The following BCL2L13 variants were observed in gnomAD, a reference collection of about 807,000 sequenced individuals.
The protein encoded by BCL2L13 is bcl-2-like protein 13.
In BCL2L13, 13 loss-of-function variants were observed where a neutral mutation model predicts 25.8. That is an observed-to-expected ratio of 0.50 (90% CI 0.33 to 0.80). The LOEUF is 0.80. Among genes scored for constraint, BCL2L13 ranks in the 30% least tolerant of loss-of-function variants. The probability of loss-of-function intolerance (pLI) is 0.02; values close to 1 mark genes in which losing one functional copy is unlikely to be tolerated. For synonymous variants in BCL2L13, 244 were observed against 230.3 expected, an observed-to-expected ratio of 1.06 and a Z score of -0.54; for missense variants, 504 against 574.9, an observed-to-expected ratio of 0.88 and a Z score of 1.26.
In BCL2L13 at chr22:17,674,619, AAAAG is replaced by A. The variant is rs1357708919; in HGVS notation, c.122-8583_122-8580del. Reference sequence around the variant, plus strand: ...AGACTCTGTCTCAAAAAAAAAAAAAAAAAGAAAGAAAGAAATGAGTTCTTGCTAT... The same window carrying A: ...AGACTCTGTCTCAAAAAAAAAAAAAAAAAGAAAGAAATGAGTTCTTGCTAT... On this transcript the variant is annotated intron_variant, in intron 2 of 6. Coordinates refer to ENST00000317582, the MANE Select transcript of BCL2L13 (RefSeq NM_015367.4). Among the ~76,000 whole-genome samples, 1,394 of 146,576 alleles carry A rather than the reference AAAAG, an allele frequency of 9.5e-3. 25 individuals are homozygous for A. Among genetic ancestry groups the A allele is most frequent in the African/African-American group, 0.034 (1,296 of 37,928 alleles).
intron 6 of BCL2L13, among the ~76,000 whole-genome samples, chr22:17,723,955 A>T (rs2061225842): frequency 6.6e-6 from 1 of 151,972 alleles, no homozygotes; most frequent in Admixed American, 6.6e-5. Context: ...AAAAAAACAA[A>T]AAACAAACTA....
At chr22:17,665,225 G>A (rs764887220) in intron 2 of BCL2L13, among the ~76,000 whole-genome samples, 6 of 152,140 alleles carry the variant, frequency 3.9e-5, no homozygotes, top group Admixed American at 6.6e-5. Context: ...GGGGCAAAAC[G>A]CCACCAGTCT....
chr22:17,642,787 G>T (rs1357887086), intron 1 of BCL2L13, among the ~76,000 whole-genome samples: 1 of 151,892 alleles, frequency 6.6e-6, no homozygotes, highest in East Asian at 1.9e-4. Flanking sequence ...TGTAGAGATG[G>T]GGTTTTTCCA....
chr22:17,722,378 G>GGTGTGT (rs71315401), intron 6 of BCL2L13, among the ~76,000 whole-genome samples: 49 of 122,138 alleles, frequency 4.0e-4, no homozygotes, highest in Non-Finnish European at 5.4e-4. Context: ...AGACTACAGG[G>GGTGTGT]GTGTGTGTGT....
chr22:17,693,381 T>TAGTG (rs2060170477), intron 4 of BCL2L13, among the ~76,000 whole-genome samples: 6 of 122,332 alleles, frequency 4.9e-5, no homozygotes, highest in African/African-American at 1.7e-4. Flanking sequence ...TGTTTTTTTT[T>TAGTG]TTTTTTTTTT....
At chr22:17,656,683 T>G (rs2058879440) in intron 2 of BCL2L13, among the ~76,000 whole-genome samples, 1 of 152,088 alleles carries the variant, frequency 6.6e-6, no homozygotes, top group Admixed American at 6.6e-5. Flanking sequence ...CCAAAGCACC[T>G]GCAGCCCTCT....
chr22:17,661,863 C>T (rs2059076069), intron 2 of BCL2L13, among the ~76,000 whole-genome samples: 1 of 150,866 alleles, frequency 6.6e-6, no homozygotes, highest in African/African-American at 2.4e-5. Context: ...TGGTGGCGCA[C>T]ACCTGTAATC....
intron 2 of BCL2L13, among the ~76,000 whole-genome samples, chr22:17,674,740 A>G (rs1337418801): frequency 6.6e-6 from 1 of 152,120 alleles, no homozygotes; most frequent in Admixed American, 6.6e-5. Flanking sequence ...CTTCCTGCCT[A>G]GGCCTCCCAA....
At chr22:17,656,253 T>C (rs867064421) in intron 2 of BCL2L13, among the ~76,000 whole-genome samples, 28 of 120,412 alleles carry the variant, frequency 2.3e-4, no homozygotes, top group Non-Finnish European at 4.1e-4. Flanking sequence ...AAAAAAAAAA[T>C]ATACACAAAA....
chr22:17,704,929 CTGTACATATGACATGGCTTA>C (rs2060545200), intron 6 of BCL2L13, among the ~76,000 whole-genome samples: 1 of 150,952 alleles, frequency 6.6e-6, no homozygotes, highest in African/African-American at 2.4e-5. Flanking sequence ...CATAGTTAAA[CTGTACATATGACATGGCTTA>C]TGTTAAAAAT....
At chr22:17,642,710 C>G (rs1277936452) in intron 1 of BCL2L13, among the ~76,000 whole-genome samples, 1 of 151,958 alleles carries the variant, frequency 6.6e-6, no homozygotes, top group Non-Finnish European at 1.5e-5. Flanking sequence ...TCTCCTGCCT[C>G]AGCCTTCCAA....
chr22:17,665,089 C>G (rs1019203589), intron 2 of BCL2L13, among the ~76,000 whole-genome samples: 9 of 152,210 alleles, frequency 5.9e-5, no homozygotes, highest in African/African-American at 2.2e-4. Context: ...ACTGCATCAT[C>G]AGACTGCACA....
chr22:17,650,273 T>C (rs922805620), intron 1 of BCL2L13, among the ~76,000 whole-genome samples: 2 of 152,214 alleles, frequency 1.3e-5, no homozygotes. Context: ...TTACAGTCTT[T>C]CCTGGTTTTC....
intron 2 of BCL2L13, among the ~76,000 whole-genome samples, chr22:17,662,444 C>T (rs1295827671): frequency 6.6e-6 from 1 of 152,214 alleles, no homozygotes; most frequent in African/African-American, 2.4e-5. Context: ...TGCCACTGCA[C>T]TCCAGCCTAG....
chr22:17,637,353 G>C (rs1035118692), upstream of BCL2L13, among the ~76,000 whole-genome samples: 3 of 150,780 alleles, frequency 2.0e-5, no homozygotes, highest in East Asian at 5.9e-4. Flanking sequence ...GTTGCAGTGA[G>C]CTGAGATCGC....
chr22:17,683,275 T>C lies in BCL2L13; in HGVS notation c.183T>C (p.Thr61=). The change falls in exon 3 of 7, where the codon ACT becomes ACC. Residue 61 remains threonine, a synonymous_variant. Coordinates refer to ENST00000317582, the MANE Select transcript of BCL2L13 (RefSeq NM_015367.4). Reference sequence around the variant, plus strand: ...AAGAAATTTTATTAAAAGTTAAAACTGAAATTGAAGAAGAGCTAAAATCTC... The same window carrying C: ...AAGAAATTTTATTAAAAGTTAAAACCGAAATTGAAGAAGAGCTAAAATCTC... ...LDQEILLKVK[T]EIEEELKSLD... is the part of the protein sequence containing the mutation. 1 of 1,595,012 alleles carries C rather than the reference T, an allele frequency of 6.3e-7. No homozygotes were observed. The highest frequency in any genetic ancestry group is 8.6e-7 in the Non-Finnish European group (1 of 1,168,188).
intron 6 of BCL2L13, among the ~76,000 whole-genome samples, chr22:17,716,007 C>T (rs1300498980): frequency 6.6e-6 from 1 of 152,154 alleles, no homozygotes; most frequent in Non-Finnish European, 1.5e-5. Context: ...TTAGGCATTA[C>T]CTGGGGGATA....
intron 1 of BCL2L13, among the ~76,000 whole-genome samples, chr22:17,643,965 G>C (rs2058383159): frequency 1.3e-5 from 2 of 151,302 alleles, no homozygotes; most frequent in Non-Finnish European, 2.9e-5. Context: ...CTGGAGTGCA[G>C]TGGTGCAATC....
At chr22:17,706,121 C>T (rs1464093015) in intron 6 of BCL2L13, among the ~76,000 whole-genome samples, 1 of 152,014 alleles carries the variant, frequency 6.6e-6, no homozygotes, top group African/African-American at 2.4e-5. Context: ...CTCAAGTGAT[C>T]CTCCCACCTC....
Sources: allele counts gnomAD v4.1 joint callset (sites outside exome capture counted in the v4.1 genomes callset), GRCh38; gene constraint gnomAD v4.1.1; transcripts MANE v1.5; gene names NCBI Gene and HGNC (gene_info 2026-07-23, HGNC 2026-07-21).